The following ZNF695 variants were observed in gnomAD, a reference collection of about 807,000 sequenced individuals.
ZNF695 encodes the protein zinc finger protein SBZF3.
Under a neutral mutation model 11.2 loss-of-function variants are expected in ZNF695, and 11 were observed. The observed-to-expected ratio is 0.98, with a 90% CI of 0.62 to 1.62. ZNF695 has a LOEUF of 1.62. Ranked by LOEUF, ZNF695 falls within the 40% of genes most tolerant of loss-of-function variation. ZNF695 has a pLI of 0.00. For missense variants in ZNF695, 559 were observed against 590.5 expected (o/e 0.95, Z 0.55); for synonymous variants, 190 against 201.4 (o/e 0.94, Z 0.48).
chr1:246,966,602 T>C (rs1668296767), intron 5 of ZNF695, among the ~76,000 whole-genome samples: 1 of 152,080 alleles, frequency 6.6e-6, no homozygotes, highest in Non-Finnish European at 1.5e-5. Context: ...CTGGGCAACA[T>C]AGCATGAACC....
chr1:246,993,047 C>G (rs551882856), intron 3 of ZNF695, among the ~76,000 whole-genome samples: 1 of 152,094 alleles, frequency 6.6e-6, no homozygotes, highest in East Asian at 1.9e-4. Context: ...AACTGCAGTA[C>G]GAGAGATGGG....
In ZNF695 at chr1:246,988,083, A is replaced by G. The variant is rs1313977585; in HGVS notation, c.432T>C (p.Leu144=). The change falls in exon 4 of 4, where the codon CTT becomes CTC. Residue 144 remains leucine, a synonymous_variant. Coordinates refer to ENST00000339986, the MANE Select transcript of ZNF695 (RefSeq NM_020394.5). ...TATGAGTAGTTGCTGAGCATAGGTC[A>G]AGTCCATTATAACTTGCCTTCTGCC... ...WKGQKASYNG[L]DLCSATTHSK... 1 of 1,613,032 alleles carries G rather than the reference A, an allele frequency of 6.2e-7. No homozygotes were observed. The highest frequency in any genetic ancestry group is 8.5e-7 in the Non-Finnish European group (1 of 1,179,592).
chr1:246,951,828 G>C (rs1667876077), intron 5 of ZNF695, among the ~76,000 whole-genome samples: 1 of 152,174 alleles, frequency 6.6e-6, no homozygotes, highest in Admixed American at 6.5e-5. Flanking sequence ...CATAGGCTTT[G>C]TCAAAGAGGT....
intron 4 of ZNF695, among the ~76,000 whole-genome samples, chr1:246,975,031 A>C (rs1005458898): frequency 2.0e-5 from 3 of 152,138 alleles, no homozygotes; most frequent in Non-Finnish European, 4.4e-5. Flanking sequence ...AGACCCACTC[A>C]CTGTACCATT....
rs144087726 is a variant in ZNF695, at chr1:246,953,630, A to G, written c.489-7803T>C. 4.7e-3 allele frequency among the ~76,000 whole-genome samples: 708 copies of G among 151,914 alleles called. 9 individuals carry two copies. Among genetic ancestry groups the G allele is most frequent in the African/African-American group, 0.016 (667 of 41,404 alleles). On this transcript the variant is annotated intron_variant, in intron 5 of 5. Transcript: ENST00000487338. ...CCATCTCAAAAACAAACAAAAAAAC[A>G]ACAAAGAAATGGGCCCTGCGTAGTG...
intron 3 of ZNF695, among the ~76,000 whole-genome samples, chr1:246,992,970 G>T (rs978654311): frequency 6.6e-6 from 1 of 152,162 alleles, no homozygotes; most frequent in African/African-American, 2.4e-5. Context: ...ATGGAATGAT[G>T]GTATACTTTG....
At chr1:246,990,192 AAAGAG>A (rs1383495852) in intron 3 of ZNF695, among the ~76,000 whole-genome samples, 2 of 39,718 alleles carry the variant, frequency 5.0e-5, no homozygotes, top group East Asian at 0.015. Context: ...AAAGGAAGGA[AAAGAG>A]AAAGAGAGAG....
At chr1:247,001,316 C>A (rs1259312590) in intron 1 of ZNF695, among the ~76,000 whole-genome samples, 1 of 151,744 alleles carries the variant, frequency 6.6e-6, no homozygotes, top group African/African-American at 2.4e-5. Context: ...CTGTAATCAG[C>A]ACTGGGAGGC....
At chr1:246,951,496 C>G (rs1261078725) in intron 5 of ZNF695, among the ~76,000 whole-genome samples, 1 of 152,158 alleles carries the variant, frequency 6.6e-6, no homozygotes, top group Non-Finnish European at 1.5e-5. Context: ...GAAGTCAGGC[C>G]CTGCTGACAC....
At chr1:246,969,603 C>T (rs935609054) in intron 4 of ZNF695, 1 of 152,232 alleles carries the variant, frequency 6.6e-6, no homozygotes, top group Non-Finnish European at 1.5e-5. Flanking sequence ...ATAGCAATGT[C>T]CCAACTCTCT....
intron 5 of ZNF695, among the ~76,000 whole-genome samples, chr1:246,956,571 G>C (rs1265712642): frequency 6.6e-6 from 1 of 152,046 alleles, no homozygotes; most frequent in African/African-American, 2.4e-5. Flanking sequence ...AGCCGAGATT[G>C]TGCCGCTGCA....
chr1:246,966,460 G>A (rs1320239497), intron 5 of ZNF695, among the ~76,000 whole-genome samples: 3 of 151,642 alleles, frequency 2.0e-5, no homozygotes, highest in Non-Finnish European at 4.4e-5. Flanking sequence ...CAGCCTGGGC[G>A]ACAGAGCAAG....
chr1:246,952,650 G>A (rs924732608), intron 5 of ZNF695, among the ~76,000 whole-genome samples: 1 of 151,544 alleles, frequency 6.6e-6, no homozygotes, highest in African/African-American at 2.4e-5. Flanking sequence ...GGGCTCAAGT[G>A]ATCCTCCCTC....
At chr1:246,952,433 C>G (rs1667889978) in intron 5 of ZNF695, among the ~76,000 whole-genome samples, 1 of 152,218 alleles carries the variant, frequency 6.6e-6, no homozygotes, top group Admixed American at 6.5e-5. Flanking sequence ...ATATTAAAAA[C>G]TGTAAGCTTT....
intron 5 of ZNF695, among the ~76,000 whole-genome samples, chr1:246,963,679 T>C (rs1157136724): frequency 6.6e-6 from 1 of 152,224 alleles, no homozygotes; most frequent in East Asian, 1.9e-4. Flanking sequence ...TGCTTTCTCT[T>C]CTACAGTCAT....
At chr1:246,950,812 C>T (rs1186670896) in intron 5 of ZNF695, among the ~76,000 whole-genome samples, 1 of 152,136 alleles carries the variant, frequency 6.6e-6, no homozygotes, top group Non-Finnish European at 1.5e-5. Context: ...TCGGTTTCTT[C>T]ATTTGTAAAA....
At chr1:246,997,892 A>C (rs1322687561) in intron 3 of ZNF695, among the ~76,000 whole-genome samples, 1 of 152,208 alleles carries the variant, frequency 6.6e-6, no homozygotes, top group East Asian at 1.9e-4. Context: ...ATTGCCAAGG[A>C]GGTAGGAAAA....
intron 5 of ZNF695, among the ~76,000 whole-genome samples, chr1:246,965,658 A>T (rs1398598846): frequency 6.6e-6 from 1 of 151,874 alleles, no homozygotes; most frequent in South Asian, 2.1e-4. Flanking sequence ...AATCGCTTGA[A>T]CCCGGGAGGT....
chr1:247,005,030 T>C (rs939287309), intron 1 of ZNF695, among the ~76,000 whole-genome samples: 1 of 152,188 alleles, frequency 6.6e-6, no homozygotes, highest in Non-Finnish European at 1.5e-5. Flanking sequence ...CTATAAACTC[T>C]GTGTAATACC....
Sources: gnomAD v4.1 joint callset for allele counts (sites outside exome capture counted in the v4.1 genomes callset) on GRCh38, gnomAD v4.1.1 for gene constraint, MANE v1.5 for transcripts, NCBI Gene and HGNC (gene_info 2026-07-23, HGNC 2026-07-21) for gene names.